ACBD6: variants seen among roughly 807,000 people sequenced by gnomAD.
ACBD6 encodes the protein acyl-CoA-binding domain-containing protein 6.
Under a neutral mutation model 37.2 loss-of-function variants are expected in ACBD6, and 28 were observed. The observed-to-expected ratio is 0.75, with a 90% CI of 0.56 to 1.03. The LOEUF (loss-of-function observed/expected upper bound fraction) is 1.03, where lower values mean the gene tolerates loss of function less well. Among genes scored for constraint, ACBD6 ranks in the 50% least tolerant of loss-of-function variants. The probability of loss-of-function intolerance (pLI) is 0.00; values close to 1 mark genes in which losing one functional copy is unlikely to be tolerated. For synonymous variants in ACBD6, 113 were observed against 126.8 expected (o/e 0.89, Z 0.73); for missense variants, 340 against 337.4 (o/e 1.01, Z -0.06).
intron 3 of ACBD6, among the ~76,000 whole-genome samples, chr1:180,490,414 G>A (rs1378980577): frequency 2.0e-5 from 3 of 151,860 alleles, no homozygotes; most frequent in African/African-American, 4.8e-5. Flanking sequence ...AGGCCGAAGC[G>A]GGTGGATCAC....
chr1:180,451,971 T>G (rs968703075), intron 3 of ACBD6, among the ~76,000 whole-genome samples: 1 of 152,162 alleles, frequency 6.6e-6, no homozygotes, highest in Admixed American at 6.5e-5. Context: ...CAGGGGTCAT[T>G]TCTATCTGAA....
chr1:180,435,897 A>C, intron 3 of ACBD6: 1 of 1,392,056 alleles, frequency 7.2e-7, no homozygotes, highest in Non-Finnish European at 1.0e-6. Flanking sequence ...AAGAACGTCA[A>C]TGGTGGTGGC....
At chr1:180,438,032 G>A (rs1254039906) in intron 3 of ACBD6, among the ~76,000 whole-genome samples, 2 of 152,184 alleles carry the variant, frequency 1.3e-5, no homozygotes, top group Non-Finnish European at 2.9e-5. Context: ...ATGAGTGGCG[G>A]TTGAGCAAGC....
chr1:180,269,738 C>T (rs1648522371), exon 14 of ACBD6: 1 of 152,358 alleles, frequency 6.6e-6, no homozygotes, highest in South Asian at 2.1e-4. Context: ...TTCAAAGTTG[C>T]ATCAGACACT....
Position 180,474,482 on chromosome 1 carries a change from T to C in ACBD6, c.384+17787A>G, listed in dbSNP as rs533076668. Reference sequence around the variant, plus strand: ...AAAAAAAATCTTCTAAAATGTGTAATGTCATGTGGAGAAAATAATTCAGGT... The same window carrying C: ...AAAAAAAATCTTCTAAAATGTGTAACGTCATGTGGAGAAAATAATTCAGGT... On this transcript the variant is annotated intron_variant, in intron 3 of 7. Transcript: ENST00000367595. 1.6e-3 allele frequency among the ~76,000 whole-genome samples: 241 copies of C among 152,224 alleles called. 5 individuals are homozygous for C. The Middle Eastern group carries it at 0.02, about 13-fold the overall frequency.
chr1:180,456,919 T>C (rs1212563488), intron 3 of ACBD6, among the ~76,000 whole-genome samples: 4 of 152,056 alleles, frequency 2.6e-5, no homozygotes, highest in Non-Finnish European at 4.4e-5. Context: ...TGGTAGAGAA[T>C]ATTTGCTAGA....
chr1:180,285,707 T>C (rs532204938), downstream of ACBD6, among the ~76,000 whole-genome samples: 32 of 152,316 alleles, frequency 2.1e-4, no homozygotes, highest in Middle Eastern at 0.02. Flanking sequence ...CATGGAATAA[T>C]AACCCATAGC....
chr1:180,317,989 C>G lies in ACBD6; in HGVS notation c.664-3267G>C, dbSNP rs184422223. Among the ~76,000 whole-genome samples the G allele has an allele frequency of 1.7e-3, 266 of 152,116 alleles. 1 individual carries two copies. The highest frequency in any genetic ancestry group is 5.8e-3 in the African/African-American group (241 of 41,514). ...CTCAGCAGTTCCAGACCAGCCTGGGCAACATGATGAAACCTTGTCTCTACT... is the reference window on the plus strand; with the variant it reads ...CTCAGCAGTTCCAGACCAGCCTGGGGAACATGATGAAACCTTGTCTCTACT... On this transcript the variant is annotated intron_variant, in intron 6 of 7. Coordinates refer to ENST00000367595, the MANE Select transcript of ACBD6 (RefSeq NM_032360.4).
At chr1:180,423,053 A>G (rs1009431560) in intron 4 of ACBD6, among the ~76,000 whole-genome samples, 2 of 152,128 alleles carry the variant, frequency 1.3e-5, no homozygotes, top group Non-Finnish European at 2.9e-5. Context: ...AACTTTTTAT[A>G]ACAGATTTGT....
intron 6 of ACBD6, among the ~76,000 whole-genome samples, chr1:180,382,208 G>A (rs1370106027): frequency 6.7e-6 from 1 of 149,652 alleles, no homozygotes; most frequent in African/African-American, 2.5e-5. Context: ...AACTAAACAA[G>A]AGACTAAAAA....
chr1:180,289,971 G>A (rs1649636737), intron 7 of ACBD6, among the ~76,000 whole-genome samples: 1 of 152,144 alleles, frequency 6.6e-6, no homozygotes, highest in South Asian at 2.1e-4. Context: ...ATTACCACTA[G>A]GGAAGGCCAT....
intron 6 of ACBD6, among the ~76,000 whole-genome samples, chr1:180,334,080 C>T (rs868263521): frequency 2.0e-5 from 3 of 152,346 alleles, no homozygotes; most frequent in Non-Finnish European, 2.9e-5. Flanking sequence ...GTAGACTCCA[C>T]CTCTGCGGGC....
chr1:180,466,027 A>G (rs545184141), intron 3 of ACBD6, among the ~76,000 whole-genome samples: 15 of 152,232 alleles, frequency 9.9e-5, no homozygotes, highest in African/African-American at 2.6e-4. Context: ...GGGAGCAGAA[A>G]AGATAATTAT....
chr1:180,377,299 G>A (rs558561839), intron 6 of ACBD6, among the ~76,000 whole-genome samples: 2 of 152,272 alleles, frequency 1.3e-5, no homozygotes, highest in South Asian at 4.1e-4. Context: ...TACTTGCATG[G>A]ATTAGTATAC....
chr1:180,438,056 C>T (rs1312483380), intron 3 of ACBD6, among the ~76,000 whole-genome samples: 3 of 152,158 alleles, frequency 2.0e-5, no homozygotes, highest in Non-Finnish European at 2.9e-5. Flanking sequence ...ACCACCTGAG[C>T]TCCACCTCCT....
intron 6 of ACBD6, among the ~76,000 whole-genome samples, chr1:180,392,819 G>A (rs1009148844): frequency 2.0e-5 from 3 of 151,552 alleles, no homozygotes; most frequent in African/African-American, 7.3e-5. Flanking sequence ...TTCACCGAGA[G>A]GGCGCAGGGC....
chr1:180,456,104 C>T (rs1649910007), intron 3 of ACBD6, among the ~76,000 whole-genome samples: 2 of 150,816 alleles, frequency 1.3e-5, no homozygotes, highest in African/African-American at 2.4e-5. Context: ...CCCAGCTACT[C>T]GGGAGGCTGA....
At chr1:180,303,428 C>A (rs1345342491) in intron 7 of ACBD6, among the ~76,000 whole-genome samples, 3 of 150,676 alleles carry the variant, frequency 2.0e-5, no homozygotes, top group Non-Finnish European at 4.4e-5. Flanking sequence ...GGGGACATCA[C>A]CACCAATCCC....
At chr1:180,364,325 G>A (rs1280416144) in intron 6 of ACBD6, among the ~76,000 whole-genome samples, 1 of 152,158 alleles carries the variant, frequency 6.6e-6, no homozygotes, top group Admixed American at 6.5e-5. Context: ...CCAGTGATAA[G>A]ACATCTTATA....
Sources: allele counts gnomAD v4.1 joint callset (sites outside exome capture counted in the v4.1 genomes callset), GRCh38; gene constraint gnomAD v4.1.1; transcripts MANE v1.5; gene names NCBI Gene and HGNC (gene_info 2026-07-23, HGNC 2026-07-21).